Variants in PREX1 observed in about 807,000 individuals in gnomAD.
PREX1 encodes the protein phosphatidylinositol 3,4,5-trisphosphate-dependent Rac exchanger 1 protein.
Under a neutral mutation model 198.3 loss-of-function variants are expected in PREX1, and 41 were observed. The ratio of observed to expected loss-of-function variants is 0.21; its 90% CI spans 0.16 to 0.27. PREX1 has a LOEUF of 0.27. Among genes scored for constraint, PREX1 ranks in the 10% least tolerant of loss-of-function variants. PREX1 has a pLI of 1.00. For synonymous variants in PREX1, 843 were observed against 887.2 expected, an observed-to-expected ratio of 0.95 and a Z score of 0.89; for missense variants, 1,620 against 2,200.7, an observed-to-expected ratio of 0.74 and a Z score of 5.28.
intron 32 of PREX1, among the ~76,000 whole-genome samples, chr20:48,635,976 C>T (rs6095221): frequency 0.27 from 40,688 of 152,116 alleles, 5,612 homozygotes; most frequent in South Asian, 0.39. Context: ...CAGCAGAGGG[C>T]GCTCCAAGGC....
intron 1 of PREX1, among the ~76,000 whole-genome samples, chr20:48,767,630 C>T (rs1369198049): frequency 2.0e-5 from 3 of 152,164 alleles, no homozygotes; most frequent in Admixed American, 1.3e-4. Flanking sequence ...AGTGCATCGA[C>T]GTAAAAGCAG....
chr20:48,831,567 C>G (rs1274075180), upstream of PREX1, among the ~76,000 whole-genome samples: 3 of 152,192 alleles, frequency 2.0e-5, no homozygotes, highest in African/African-American at 7.2e-5. Flanking sequence ...TCCTCTCATG[C>G]ATTCAACTAT....
intron 6 of PREX1, among the ~76,000 whole-genome samples, chr20:48,705,720 T>G (rs764789526): frequency 6.6e-6 from 1 of 152,258 alleles, no homozygotes; most frequent in Non-Finnish European, 1.5e-5. Context: ...AGGAACAAAC[T>G]GCATTTTAAA....
chr20:48,825,762 A>G (rs2090505953), intron 1 of PREX1, among the ~76,000 whole-genome samples: 1 of 151,844 alleles, frequency 6.6e-6, no homozygotes, highest in Non-Finnish European at 1.5e-5. Flanking sequence ...AGGAGAAGTC[A>G]GGAGTTCCCT....
At chr20:48,693,008 T>C (rs1378802843) in intron 7 of PREX1, among the ~76,000 whole-genome samples, 1 of 152,178 alleles carries the variant, frequency 6.6e-6, no homozygotes, top group Non-Finnish European at 1.5e-5. Flanking sequence ...AACAGGCTAA[T>C]AGCCTTGCTG....
intron 1 of PREX1, among the ~76,000 whole-genome samples, chr20:48,816,352 G>A (rs1245474973): frequency 2.0e-5 from 3 of 152,134 alleles, no homozygotes; most frequent in Admixed American, 2.0e-4. Flanking sequence ...TGCCCCCTGT[G>A]TCCACGCCCT....
chr20:48,804,272 T>C (rs1023757930), intron 1 of PREX1, among the ~76,000 whole-genome samples: 1 of 152,140 alleles, frequency 6.6e-6, no homozygotes, highest in African/African-American at 2.4e-5. Context: ...CTCTGGGAGC[T>C]TAAATTCTAG....
intron 11 of PREX1, among the ~76,000 whole-genome samples, chr20:48,680,413 T>C (rs1168687546): frequency 6.6e-6 from 1 of 152,180 alleles, no homozygotes; most frequent in African/African-American, 2.4e-5. Flanking sequence ...GTCTTTCCTC[T>C]ACGCAGAGCT....
At chr20:48,657,510 C>T (rs963014562) in intron 17 of PREX1, among the ~76,000 whole-genome samples, 16 of 152,194 alleles carry the variant, frequency 1.1e-4, no homozygotes, top group African/African-American at 3.1e-4. Context: ...TAGGGCCTGG[C>T]GAAGAAAGAT....
At chr20:48,712,340 C>T (rs1191193787) in intron 5 of PREX1, among the ~76,000 whole-genome samples, 1 of 152,216 alleles carries the variant, frequency 6.6e-6, no homozygotes, top group African/African-American at 2.4e-5. Flanking sequence ...TTCTGAATCA[C>T]TATTCTGTGA....
intron 1 of PREX1, among the ~76,000 whole-genome samples, chr20:48,805,436 G>C (rs546128729): frequency 6.6e-6 from 1 of 152,246 alleles, no homozygotes; most frequent in African/African-American, 2.4e-5. Context: ...AGCTCTTCAG[G>C]AGCAGAAACA....
intron 6 of PREX1, among the ~76,000 whole-genome samples, chr20:48,703,445 G>A (rs920405354): frequency 2.0e-5 from 3 of 152,194 alleles, no homozygotes; most frequent in African/African-American, 4.8e-5. Flanking sequence ...ACTCAGGGCT[G>A]TCATGAGGAA....
chr20:48,886,553 C>G, the PREX1 span, among the ~76,000 whole-genome samples: 2 of 152,228 alleles, frequency 1.3e-5, no homozygotes, highest in African/African-American at 2.4e-5. Flanking sequence ...CTGATCTCCC[C>G]AGGCCTCATG....
chr20:48,719,760 C>G (rs2089977497), intron 5 of PREX1, among the ~76,000 whole-genome samples: 1 of 152,134 alleles, frequency 6.6e-6, no homozygotes, highest in Non-Finnish European at 1.5e-5. Flanking sequence ...ATCTCCTACC[C>G]GAACCACTGA....
chr20:48,717,984 T>G (rs1221393377), intron 5 of PREX1, among the ~76,000 whole-genome samples: 1 of 152,236 alleles, frequency 6.6e-6, no homozygotes, highest in Non-Finnish European at 1.5e-5. Context: ...GGACTTGCGT[T>G]TCCACCTTAC....
intron 1 of PREX1, among the ~76,000 whole-genome samples, chr20:48,799,086 G>A (rs562476277): frequency 1.5e-4 from 23 of 152,228 alleles, no homozygotes; most frequent in South Asian, 4.1e-4. Context: ...GTTTCACCAC[G>A]TTGGCCAGAC....
At chr20:48,869,345 C>G in the PREX1 span, among the ~76,000 whole-genome samples, 2 of 150,230 alleles carry the variant, frequency 1.3e-5, no homozygotes, top group African/African-American at 4.9e-5. Context: ...GTTGCCCAGG[C>G]TGGAGTGCAG....
the PREX1 span, among the ~76,000 whole-genome samples, chr20:48,877,042 G>T: frequency 6.6e-6 from 1 of 152,134 alleles, no homozygotes; most frequent in Non-Finnish European, 1.5e-5. Context: ...GGCTGAGACG[G>T]GTGGATCACC....
At chr20:48,793,523 A>T (rs2090347462) in intron 1 of PREX1, among the ~76,000 whole-genome samples, 1 of 152,236 alleles carries the variant, frequency 6.6e-6, no homozygotes, top group African/African-American at 2.4e-5. Context: ...CAGAGAGATT[A>T]AGGGTAAAGA....
Sources: gnomAD v4.1 joint callset for allele counts (sites outside exome capture counted in the v4.1 genomes callset) on GRCh38, gnomAD v4.1.1 for gene constraint, MANE v1.5 for transcripts, NCBI Gene and HGNC (gene_info 2026-07-23, HGNC 2026-07-21) for gene names.